ROBO2: variants seen among roughly 807,000 people sequenced by gnomAD.
The protein encoded by ROBO2 is roundabout guidance receptor 2, also known as roundabout homolog 2.
A neutral mutation model predicts 160.8 loss-of-function variants in ROBO2; 53 were observed. The observed-to-expected ratio is 0.33, with a 90% CI of 0.26 to 0.41. The LOEUF (loss-of-function observed/expected upper bound fraction) is 0.41, where lower values mean the gene tolerates loss of function less well. ROBO2 is among the 10% of genes least tolerant of loss of function. The probability of loss-of-function intolerance (pLI) is 1.00; values close to 1 mark genes in which losing one functional copy is unlikely to be tolerated. For synonymous variants in ROBO2, 664 were observed against 611.7 expected, an observed-to-expected ratio of 1.09 and a Z score of -1.26; for missense variants, 1,577 against 1,722.4, an observed-to-expected ratio of 0.92 and a Z score of 1.49.
At chr3:76,606,971 T>C (rs1390951584) in intron 2 of ROBO2, among the ~76,000 whole-genome samples, 1 of 152,222 alleles carries the variant, frequency 6.6e-6, no homozygotes. Flanking sequence ...GAATAAATAT[T>C]TCATCATTTA....
At chr3:77,058,374 G>A (rs532974780) in intron 1 of ROBO2, among the ~76,000 whole-genome samples, 2 of 152,006 alleles carry the variant, frequency 1.3e-5, no homozygotes, top group African/African-American at 4.8e-5. Flanking sequence ...AAATATTATT[G>A]TGTGCCATCT....
chr3:77,305,102 C>G (rs1040379416), intron 2 of ROBO2, among the ~76,000 whole-genome samples: 1 of 152,094 alleles, frequency 6.6e-6, no homozygotes, highest in Non-Finnish European at 1.5e-5. Context: ...AATTTAAGTA[C>G]AATTGTATTT....
chr3:77,518,099 T>A (rs2090209588), intron 5 of ROBO2, among the ~76,000 whole-genome samples: 5 of 151,298 alleles, frequency 3.3e-5, no homozygotes, highest in Non-Finnish European at 7.4e-5. Context: ...GCACAAGGAG[T>A]AGTACTATCA....
intron 2 of ROBO2, among the ~76,000 whole-genome samples, chr3:76,472,229 T>A (rs2078703594): frequency 6.6e-6 from 1 of 152,176 alleles, no homozygotes; most frequent in Non-Finnish European, 1.5e-5. Context: ...TCCTATTTGA[T>A]TTTTATTGTA....
intron 2 of ROBO2, among the ~76,000 whole-genome samples, chr3:76,544,334 T>C (rs1244295666): frequency 3.3e-5 from 5 of 152,090 alleles, no homozygotes; most frequent in South Asian, 4.1e-4. Context: ...GATCCATCTA[T>C]GTTTAATCTT....
At chr3:77,408,288 ATG>A (rs1169234792) in intron 2 of ROBO2, among the ~76,000 whole-genome samples, 2 of 152,122 alleles carry the variant, frequency 1.3e-5, no homozygotes, top group Non-Finnish European at 2.9e-5. Context: ...GTGCGTGTGT[ATG>A]TGTCGTTTAT....
At chr3:76,915,849 T>A (rs2076272521) in intron 2 of ROBO2, among the ~76,000 whole-genome samples, 2 of 152,112 alleles carry the variant, frequency 1.3e-5, no homozygotes, top group Admixed American at 1.3e-4. Flanking sequence ...TACTCACGGT[T>A]CTGGATCAAG....
chr3:77,261,768 A>ATTTT (rs10710219), intron 2 of ROBO2, among the ~76,000 whole-genome samples: 11 of 135,614 alleles, frequency 8.1e-5, no homozygotes, highest in Non-Finnish European at 1.1e-4. Context: ...TTCTGATTTC[A>ATTTT]TTTTTTTTTT....
chr3:77,474,442 T>G (rs2153582713), intron 2 of ROBO2, among the ~76,000 whole-genome samples: 1 of 152,248 alleles, frequency 6.6e-6, no homozygotes, highest in East Asian at 1.9e-4. Context: ...AAATGTAAAT[T>G]AATACAGCCA....
At chr3:75,975,413 T>C (rs2065110399) in intron 2 of ROBO2, among the ~76,000 whole-genome samples, 1 of 151,418 alleles carries the variant, frequency 6.6e-6, no homozygotes, top group South Asian at 2.1e-4. Context: ...TTATATGTAC[T>C]AATATATTTC....
intron 2 of ROBO2, among the ~76,000 whole-genome samples, chr3:77,105,956 C>T (rs1396057046): frequency 1.3e-5 from 2 of 152,156 alleles, no homozygotes; most frequent in African/African-American, 4.8e-5. Context: ...TTGAGGTCTG[C>T]TCCGGTTTTC....
chr3:77,217,868 A>G (rs2085188838), intron 2 of ROBO2, among the ~76,000 whole-genome samples: 6 of 152,310 alleles, frequency 3.9e-5, no homozygotes. Flanking sequence ...TATTTCATAA[A>G]CAAGGACAAA....
chr3:77,619,834 C>A (rs899231626), intron 22 of ROBO2, among the ~76,000 whole-genome samples: 1 of 152,106 alleles, frequency 6.6e-6, no homozygotes, highest in Non-Finnish European at 1.5e-5. Flanking sequence ...AAAGGCCTAA[C>A]CTCTCTTGGG....
intron 2 of ROBO2, among the ~76,000 whole-genome samples, chr3:77,336,990 T>C (rs2066561686): frequency 6.6e-6 from 1 of 152,174 alleles, no homozygotes; most frequent in Non-Finnish European, 1.5e-5. Context: ...AACAAATATC[T>C]GGAAATAAAT....
intron 1 of ROBO2, among the ~76,000 whole-genome samples, chr3:77,072,787 G>T (rs1206800073): frequency 2.0e-5 from 3 of 152,180 alleles, no homozygotes; most frequent in African/African-American, 4.8e-5. Context: ...GTAGTAGAGA[G>T]TATAAACTTC....
At chr3:77,271,167 C>T (rs544207861) in intron 2 of ROBO2, among the ~76,000 whole-genome samples, 1 of 152,148 alleles carries the variant, frequency 6.6e-6, no homozygotes, top group African/African-American at 2.4e-5. Flanking sequence ...ATTTATTGAA[C>T]ACCTACTCCG....
At chr3:77,426,587 C>A (rs565202319) in intron 2 of ROBO2, among the ~76,000 whole-genome samples, 1 of 147,392 alleles carries the variant, frequency 6.8e-6, no homozygotes, top group South Asian at 2.3e-4. Flanking sequence ...AATACCTACA[C>A]ACACATACAT....
intron 2 of ROBO2, among the ~76,000 whole-genome samples, chr3:76,022,989 T>A (rs752734484): frequency 6.6e-5 from 10 of 151,822 alleles, no homozygotes; most frequent in Non-Finnish European, 1.2e-4. Flanking sequence ...TACTGGATTA[T>A]GTGCTAAAGC....
At chr3:76,961,573 A>G (rs2079665468) in intron 2 of ROBO2, among the ~76,000 whole-genome samples, 1 of 152,172 alleles carries the variant, frequency 6.6e-6, no homozygotes, top group African/African-American at 2.4e-5. Context: ...CACACAGTGG[A>G]AAGAACGTGA....
Sources: gnomAD v4.1 joint callset for allele counts (sites outside exome capture counted in the v4.1 genomes callset) on GRCh38, gnomAD v4.1.1 for gene constraint, MANE v1.5 for transcripts, NCBI Gene and HGNC (gene_info 2026-07-23, HGNC 2026-07-21) for gene names.